TTC6: variants seen among roughly 807,000 people sequenced by gnomAD.
TTC6 encodes the protein tetratricopeptide repeat domain 6, also known as tetratricopeptide repeat protein 6.
A neutral mutation model predicts 210.4 loss-of-function variants in TTC6; 172 were observed. That is an observed-to-expected ratio of 0.82 (90% CI 0.72 to 0.93). The LOEUF is 0.93. TTC6 is among the 40% of genes least tolerant of loss of function. The pLI, the probability that TTC6 is intolerant of heterozygous loss-of-function variation, is 0.00. For missense variants in TTC6, 2,414 were observed against 2,318.1 expected, an observed-to-expected ratio of 1.04 and a Z score of -0.85; for synonymous variants, 804 against 819.6, an observed-to-expected ratio of 0.98 and a Z score of 0.32.
At chr14:37,729,656 A>G (rs1322926409) in intron 7 of TTC6, among the ~76,000 whole-genome samples, 1 of 151,948 alleles carries the variant, frequency 6.6e-6, no homozygotes, top group East Asian at 1.9e-4. Context: ...TTCCTCTCTC[A>G]TCCCCTTTCA....
At position 37,785,898 on chromosome 14, in the gene TTC6, T is replaced by A. The variant is rs573479300; in HGVS notation, c.3267-1570T>A. Among the ~76,000 whole-genome samples, 8 of 152,282 alleles carry A rather than the reference T, an allele frequency of 5.3e-5. No homozygotes were observed. In the South Asian group the frequency reaches 1.7e-3, roughly 32 times the overall value. The stretch of plus-strand genomic sequence containing the variant: ...GAGTTTGCTGGAGGTCCACTCCAGA[T>A]GCTGTTTGCCTGGGTATCACCAGTG... On this transcript the variant is annotated intron_variant, in intron 14 of 30. Transcript: ENST00000553443.
At chr14:37,696,687 C>A (rs1404327706) in intron 3 of TTC6, 30 bp from the exon 6 acceptor site, 2 of 1,183,994 alleles carry the variant, frequency 1.7e-6, no homozygotes, top group Non-Finnish European at 2.3e-6. Context: ...TACATCTTCT[C>A]TTAACAGCAC....
intron 25 of TTC6, among the ~76,000 whole-genome samples, 173 bp from the exon 28 acceptor site, chr14:37,817,405 A>G (rs1368266673): frequency 2.0e-5 from 3 of 152,196 alleles, no homozygotes; most frequent in Non-Finnish European, 4.4e-5. Context: ...GTGATACTAC[A>G]AGGAAAATAT....
chr14:37,697,679 A>T (rs2095817371), intron 4 of TTC6, among the ~76,000 whole-genome samples: 1 of 152,184 alleles, frequency 6.6e-6, no homozygotes, highest in Non-Finnish European at 1.5e-5. Context: ...GAAACAGTCA[A>T]ATTGGCATTT....
intron 3 of TTC6, among the ~76,000 whole-genome samples, chr14:37,690,047 A>G (rs2095800829): frequency 6.6e-6 from 1 of 152,168 alleles, no homozygotes; most frequent in African/African-American, 2.4e-5. Context: ...TAGAAACAAG[A>G]AGATAAAAAG....
chr14:37,605,667 G>T (rs1325581792), intron 1 of TTC6, among the ~76,000 whole-genome samples: 2 of 152,278 alleles, frequency 1.3e-5, no homozygotes. Flanking sequence ...TTTAGAAAAG[G>T]AATGTCTCTG....
At position 37,714,804 on chromosome 14, in the gene TTC6, C is replaced by A. The variant is rs2138761800; in HGVS notation, c.1713+8C>A. 1 of 1,530,538 alleles carries A rather than the reference C, an allele frequency of 6.5e-7. No individual in the cohort carries two copies. The highest frequency in any genetic ancestry group is 1.2e-5 in the South Asian group (1 of 83,370). 94.8% of individuals were successfully genotyped at this position (1,530,538 alleles called of 1,614,324 possible). A position where few individuals can be genotyped will look rare whatever the true frequency, so the allele number is the denominator to read the frequency against. The stretch of plus-strand genomic sequence containing the variant: ...GAAGTCTTGGGAGAGGAAGTAAGAA[C>A]TTTCTTTAATATTAGTTTTTTTGTA... On this transcript the variant is annotated splice_region_variant and intron_variant, in intron 6 of 30. Coordinates refer to ENST00000553443, the Ensembl canonical transcript of TTC6.
intron 14 of TTC6, among the ~76,000 whole-genome samples, chr14:37,774,182 A>G (rs2096029785): frequency 6.6e-6 from 1 of 152,156 alleles, no homozygotes; most frequent in South Asian, 2.1e-4. Flanking sequence ...GGGGTTTTCT[A>G]GGTATATAAT....
chr14:37,827,681 T>G (rs1164017390), intron 29 of TTC6: 1 of 211,840 alleles, frequency 4.7e-6, no homozygotes, highest in East Asian at 1.1e-4. Flanking sequence ...ATGTACGATT[T>G]GATGTCTTGA....
At chr14:37,685,330 A>G (rs1436879997) in intron 3 of TTC6, among the ~76,000 whole-genome samples, 2 of 152,194 alleles carry the variant, frequency 1.3e-5, no homozygotes, top group African/African-American at 2.4e-5. Context: ...ATGCATATCC[A>G]TAGAAAAATA....
At chr14:37,671,509 CAT>C (rs971800666) in intron 1 of TTC6, among the ~76,000 whole-genome samples, 2 of 152,052 alleles carry the variant, frequency 1.3e-5, no homozygotes, top group Non-Finnish European at 2.9e-5. Context: ...TAGGTGAACA[CAT>C]ATTAATTTGT....
chr14:37,608,540 C>G (rs531294224), intron 2 of TTC6, among the ~76,000 whole-genome samples: 6 of 152,092 alleles, frequency 3.9e-5, no homozygotes, highest in African/African-American at 1.4e-4. Flanking sequence ...CTCCTGGGCT[C>G]AAGTGATTCT....
chr14:37,670,581 G>T (rs1265551290), intron 1 of TTC6, among the ~76,000 whole-genome samples: 1 of 148,788 alleles, frequency 6.7e-6, no homozygotes, highest in East Asian at 2.0e-4. Context: ...AGCAATTCTG[G>T]TGCCTCAGCC....
intron 6 of TTC6, among the ~76,000 whole-genome samples, chr14:37,719,923 C>T (rs1043332498): frequency 6.6e-6 from 1 of 151,684 alleles, no homozygotes; most frequent in Non-Finnish European, 1.5e-5. Context: ...GCCACCGACT[C>T]GGAGAAAATA....
chr14:37,604,315 T>C (rs928499181), intron 1 of TTC6, among the ~76,000 whole-genome samples: 7 of 152,154 alleles, frequency 4.6e-5, no homozygotes, highest in African/African-American at 1.7e-4. Context: ...CCGAAGGAGA[T>C]CCAGAGACTG....
chr14:37,795,413 G>T, intron 18 of TTC6, 61 bp downstream of exon 20: 1 of 1,143,252 alleles, frequency 8.7e-7, no homozygotes, highest in Non-Finnish European at 1.2e-6. Context: ...ATTGAATGGG[G>T]ATCTTCAGTT....
chr14:37,805,407 CTA>C (rs1446508445), intron 21 of TTC6, among the ~76,000 whole-genome samples: 1 of 137,944 alleles, frequency 7.2e-6, no homozygotes, highest in African/African-American at 2.7e-5. Context: ...TTCTACAACT[CTA>C]TCTCAAGACA....
chr14:37,782,928 A>G (rs2096058763), intron 14 of TTC6, among the ~76,000 whole-genome samples: 1 of 152,194 alleles, frequency 6.6e-6, no homozygotes, highest in South Asian at 2.1e-4. Flanking sequence ...GCTGGATTAC[A>G]TTTATTGATT....
exon 23 of TTC6, chr14:37,807,416 G>T: frequency 6.5e-7 from 1 of 1,529,984 alleles, no homozygotes; most frequent in Non-Finnish European, 8.8e-7. Flanking sequence ...CCCTGAAAGC[G>T]TACGTGCCTA....
Sources: allele counts gnomAD v4.1 joint callset (sites outside exome capture counted in the v4.1 genomes callset), GRCh38; gene constraint gnomAD v4.1.1; transcripts MANE v1.5; gene names NCBI Gene and HGNC (gene_info 2026-07-23, HGNC 2026-07-21).